TGM4: variants seen among roughly 807,000 people sequenced by gnomAD.
TGM4 encodes the protein transglutaminase 4.
In TGM4, 61 loss-of-function variants were observed where a neutral mutation model predicts 76.3. The ratio of observed to expected loss-of-function variants is 0.80; its 90% CI spans 0.65 to 0.99. The LOEUF (loss-of-function observed/expected upper bound fraction) is 0.99, where lower values mean the gene tolerates loss of function less well. TGM4 is among the 50% of genes least tolerant of loss of function. The pLI is 0.00. For synonymous variants in TGM4, 337 were observed against 329.8 expected (o/e 1.02, Z -0.24); for missense variants, 794 against 843.2 (o/e 0.94, Z 0.72).
At chr3:44,906,022 G>A (rs1304979646) in intron 9 of TGM4, among the ~76,000 whole-genome samples, 1 of 152,202 alleles carries the variant, frequency 6.6e-6, no homozygotes, top group African/African-American at 2.4e-5. Flanking sequence ...GGCCTTAAAA[G>A]CCCACCTAAC....
At position 44,913,711 on chromosome 3, in the gene TGM4, C is replaced by G. The variant is rs745972847; in HGVS notation, c.2041C>G (p.Leu681Val). ...AGAGATTAATGCTCAGAAGATTGTTCTCATCACCAAGTAGCCTTGTCTGAT... is the reference window on the plus strand; with the variant it reads ...AGAGATTAATGCTCAGAAGATTGTTGTCATCACCAAGTAGCCTTGTCTGAT... Reference protein sequence around the residue: ...VKEINAQKIVLITK With the variant: ...VKEINAQKIVVITK The change falls in exon 14 of 14, where the codon CTC becomes GTC. Residue 681 changes from leucine to valine, a missense_variant. By Grantham distance (32) the Leu-to-Val change is conservative (BLOSUM62 1). Coordinates refer to ENST00000296125, the MANE Select transcript of TGM4 (RefSeq NM_003241.4). The G allele has an allele frequency of 2.5e-6, 4 of 1,613,626 alleles. No homozygotes were observed. The South Asian group carries it at 4.4e-5, about 18-fold the overall frequency.
At chr3:44,891,061 AG>A (rs1359902161) in intron 4 of TGM4, among the ~76,000 whole-genome samples, 3 of 152,312 alleles carry the variant, frequency 2.0e-5, no homozygotes, top group African/African-American at 7.2e-5. Flanking sequence ...GCTCCAGGTC[AG>A]GGCCTGAATT....
chr3:44,893,850 C>T (rs1699737948), intron 5 of TGM4, among the ~76,000 whole-genome samples, 155 bp downstream of exon 5: 1 of 151,856 alleles, frequency 6.6e-6, no homozygotes, highest in Non-Finnish European at 1.5e-5. Context: ...GAGGGGTGAC[C>T]TGCCTAGGCT....
At position 44,913,804 on chromosome 3, in the gene TGM4, T is replaced by G; in HGVS notation, c.*79T>G. The G allele has an allele frequency of 6.5e-7, 1 of 1,535,396 alleles. No homozygotes were observed. The highest frequency in any genetic ancestry group is 1.3e-5 in the South Asian group (1 of 76,780). On this transcript the variant is annotated 3_prime_UTR_variant, in exon 14 of 14. Transcript: ENST00000296125. ...GCTTAGCTTTCAGATTATGGATGAT[T>G]AAATTTGATGACTTATATGAGGGCA...
intron 8 of TGM4, 93 bp downstream of exon 8, chr3:44,902,024 G>A: frequency 6.7e-7 from 1 of 1,493,010 alleles, no homozygotes; most frequent in Non-Finnish European, 9.0e-7. Context: ...AGTTTGCCCA[G>A]GCTGGTCTTG....
At chr3:44,876,768 G>A (rs913545814) in intron 1 of TGM4, among the ~76,000 whole-genome samples, 2 of 152,164 alleles carry the variant, frequency 1.3e-5, no homozygotes, top group African/African-American at 2.4e-5. Flanking sequence ...AAAAATATGT[G>A]TAAGACAAAA....
intron 9 of TGM4, among the ~76,000 whole-genome samples, chr3:44,905,108 C>T (rs1559619328): frequency 6.6e-6 from 1 of 152,224 alleles, no homozygotes; most frequent in East Asian, 1.9e-4. Flanking sequence ...CCTCAGCCTC[C>T]CGAGTAGCTG....
intron 6 of TGM4, 25 bp from the exon 7 acceptor site, chr3:44,901,499 G>C (rs1699851810): frequency 6.3e-7 from 1 of 1,584,538 alleles, no homozygotes; most frequent in Non-Finnish European, 8.6e-7. Flanking sequence ...GGCGGACACT[G>C]ACCCCACCCC....
At chr3:44,883,044 G>A (rs1699554584) in intron 1 of TGM4, among the ~76,000 whole-genome samples, 1 of 152,116 alleles carries the variant, frequency 6.6e-6, no homozygotes, top group Non-Finnish European at 1.5e-5. Context: ...TTACCCCTTG[G>A]GAACCCAGGT....
rs763336915 is a variant in TGM4 at position 44,874,913 on chromosome 3, AAAG to A, written c.19+222_19+224del. 8.5e-5 allele frequency among the ~76,000 whole-genome samples: 13 copies of A among 152,386 alleles called. No homozygotes were observed. The South Asian group carries it at 1.2e-3, about 15-fold the overall frequency. On this transcript the variant is annotated intron_variant, in intron 1 of 13. Transcript: ENST00000296125. ...ATTTACAAAAAGATTGCAAGAATAA[AAAG>A]AAGAATTTCCATATATCCTTTATCC...
chr3:44,887,786 T>A lies in TGM4; in HGVS notation c.291T>A (p.Ser97=). The change falls in exon 3 of 14, where the codon TCT becomes TCA. Residue 97 remains serine (S), a synonymous_variant. Transcript: ENST00000296125. The part of the protein sequence containing the change: ...YNWQATLQNE[S]GKEVTVAVTS... ...GGCAGGCAACCCTTCAAAATGAGTC[T>A]GGCAAAGAGGTGAGCACCCACTGGG... The A allele has an allele frequency of 3.7e-6, 6 of 1,614,164 alleles. No homozygotes were observed. Among genetic ancestry groups the A allele is most frequent in the Non-Finnish European group, 5.1e-6 (6 of 1,180,016 alleles).
At chr3:44,882,772 G>A (rs1699551470) in intron 1 of TGM4, among the ~76,000 whole-genome samples, 1 of 152,208 alleles carries the variant, frequency 6.6e-6, no homozygotes, top group Non-Finnish European at 1.5e-5. Context: ...GGCTCCAGGT[G>A]GAGATATCTT....
At chr3:44,898,816 T>A (rs1361360327) in intron 6 of TGM4, among the ~76,000 whole-genome samples, 1 of 152,146 alleles carries the variant, frequency 6.6e-6, no homozygotes, top group Non-Finnish European at 1.5e-5. Flanking sequence ...GCTGACTCTC[T>A]GGGGCCCAGG....
rs17077022 is a variant in TGM4 at position 44,906,999 on chromosome 3, A to G, written c.1126A>G (p.Ile376Val). 16,697 of 1,614,128 alleles carry G rather than the reference A, an allele frequency of 0.01. 163 individuals carry two copies. The highest frequency in any genetic ancestry group is 0.043 in the Middle Eastern group (260 of 6,062). Residue 376 changes from isoleucine to valine, a missense_variant, in exon 10 of 14, where the codon ATC becomes GTC. Transcript: ENST00000296125. ...ACTGACCGCCATCCGCAAAGGTGAC[A>G]TCTTTATTGTCTATGACACCAGATT... ...SPLTAIRKGD[I>V]FIVYDTRFVF...
At position 44,890,729 on chromosome 3, in the gene TGM4, AAAGGTACTGTG is replaced by A. The variant is rs778303185; in HGVS notation, c.430_430+10del. ...ATACCTTCTCTTCAACCCATGGTGT[AAAGGTACTGTG>A]AATCTCAGGTCTGCTGGGGAATGGC... On this transcript the variant is annotated splice_donor_variant and splice_donor_5th_base_variant and coding_sequence_variant and intron_variant, in exon 4 of 14. Coordinates refer to ENST00000296125, the MANE Select transcript of TGM4 (RefSeq NM_003241.4). LOFTEE classifies it high-confidence loss of function. 1 of 1,613,876 alleles carries A rather than the reference AAAGGTACTGTG, an allele frequency of 6.2e-7. No individual in the cohort carries two copies. Among genetic ancestry groups the A allele is most frequent in the African/African-American group, 1.3e-5 (1 of 74,934 alleles).
At position 44,896,777 on chromosome 3, in the gene TGM4, G is replaced by C. The variant is rs2125754710; in HGVS notation, c.618G>C (p.Arg206Ser). 6.2e-7 allele frequency: 1 copy of C among 1,614,164 alleles called. No individual in the cohort carries two copies. ...LTESSLKPTD[R>S]RDPVLVCRAM... The stretch of plus-strand genomic sequence containing the variant: ...AGAGCTCCCTCAAGCCCACAGATAG[G>C]AGGGACCCCGTGCTGGTGTGCAGGG... The change falls in exon 6 of 14, where the codon AGG (arginine) becomes AGC (serine). Residue 206 changes from arginine (R) to serine (S), a missense_variant. By Grantham distance (110) the Arg-to-Ser change is moderately radical. Coordinates refer to ENST00000296125, the MANE Select transcript of TGM4 (RefSeq NM_003241.4).
chr3:44,892,657 C>T lies in TGM4; in HGVS notation c.431-920C>T, dbSNP rs1204760102. Among the ~76,000 whole-genome samples, 5 of 152,180 alleles carry T rather than the reference C, an allele frequency of 3.3e-5. No homozygotes were observed. The East Asian group carries it at 9.7e-4, about 29-fold the overall frequency. On this transcript the variant is annotated intron_variant, in intron 4 of 13. Coordinates refer to ENST00000296125, the MANE Select transcript of TGM4 (RefSeq NM_003241.4). ...AAGTGCTGGGATTATAGGCATGAGGCACCGCACCCAGCCGGTCACTTGATT... is the reference window on the plus strand; with the variant it reads ...AAGTGCTGGGATTATAGGCATGAGGTACCGCACCCAGCCGGTCACTTGATT...
chr3:44,890,472 C>G, intron 3 of TGM4, 131 bp from the exon 4 acceptor site: 1 of 1,340,144 alleles, frequency 7.5e-7, no homozygotes, highest in Non-Finnish European at 1.0e-6. Context: ...GGGTCCTGAC[C>G]ATTCCTTGTC....
intron 5 of TGM4, among the ~76,000 whole-genome samples, chr3:44,896,012 A>G (rs1699773782): frequency 6.6e-6 from 1 of 152,200 alleles, no homozygotes; most frequent in African/African-American, 2.4e-5. Context: ...ATTTTAGTGT[A>G]TTTTATTCTA....
Sources: allele counts gnomAD v4.1 joint callset (sites outside exome capture counted in the v4.1 genomes callset), GRCh38; gene constraint gnomAD v4.1.1; transcripts MANE v1.5; gene names NCBI Gene and HGNC (gene_info 2026-07-23, HGNC 2026-07-21).